SERPINB12: variants seen among roughly 807,000 people sequenced by gnomAD.
SERPINB12 encodes the protein serpin B12.
A neutral mutation model predicts 41.1 loss-of-function variants in SERPINB12; 57 were observed. That is an observed-to-expected ratio of 1.39 (90% CI 1.12 to 1.73). The LOEUF is 1.73. Ranked by LOEUF, SERPINB12 falls within the 40% of genes most tolerant of loss-of-function variation. SERPINB12 has a pLI of 0.00. For synonymous variants in SERPINB12, 180 were observed against 181.3 expected, an observed-to-expected ratio of 0.99 and a Z score of 0.06; for missense variants, 536 against 501.9, an observed-to-expected ratio of 1.07 and a Z score of -0.65.
the SERPINB12 span, among the ~76,000 whole-genome samples, chr18:63,531,250 A>G: frequency 6.6e-6 from 1 of 152,170 alleles, no homozygotes; most frequent in East Asian, 1.9e-4. Flanking sequence ...TGAGATCACT[A>G]AGCTTGAGTT....
chr18:63,553,351 C>T (rs760668048), intron 1 of SERPINB12, among the ~76,000 whole-genome samples: 6 of 152,148 alleles, frequency 3.9e-5, no homozygotes, highest in Admixed American at 1.3e-4. Flanking sequence ...CAAGTCACTT[C>T]GCCTCATTTG....
upstream of SERPINB12, among the ~76,000 whole-genome samples, chr18:63,538,407 C>T (rs774683786): frequency 6.6e-6 from 1 of 152,058 alleles, no homozygotes; most frequent in African/African-American, 2.4e-5. Context: ...ATGGATTTGC[C>T]TATTCTGGAT....
At chr18:63,540,329 C>CAATT (rs1213834377), upstream of SERPINB12, among the ~76,000 whole-genome samples, 1 of 152,144 alleles carries the variant, frequency 6.6e-6, no homozygotes, top group Admixed American at 6.6e-5. Context: ...CCCTGGAGTA[C>CAATT]AATTCAACAC....
upstream of SERPINB12, among the ~76,000 whole-genome samples, chr18:63,542,295 T>G (rs1910288833): frequency 6.6e-6 from 1 of 152,250 alleles, no homozygotes; most frequent in African/African-American, 2.4e-5. Flanking sequence ...AATGCATGTC[T>G]TATTTTCCCC....
At chr18:63,539,378 T>A (rs1241952316), upstream of SERPINB12, among the ~76,000 whole-genome samples, 2 of 152,102 alleles carry the variant, frequency 1.3e-5, no homozygotes, top group Non-Finnish European at 2.9e-5. Context: ...TGCACAAAAT[T>A]TCCATACTTT....
upstream of SERPINB12, among the ~76,000 whole-genome samples, chr18:63,538,378 T>C (rs1345091113): frequency 6.6e-6 from 1 of 152,134 alleles, no homozygotes; most frequent in African/African-American, 2.4e-5. Flanking sequence ...GCAACCACAA[T>C]AATCTACTTT....
chr18:63,563,593 A>G (rs1373632210), intron 5 of SERPINB12, among the ~76,000 whole-genome samples: 1 of 152,154 alleles, frequency 6.6e-6, no homozygotes, highest in Non-Finnish European at 1.5e-5. Context: ...GGGGGTGATA[A>G]ACTGCATTAA....
chr18:63,558,431 T>A lies in SERPINB12; in HGVS notation c.248T>A (p.Leu83Gln). 1 of 1,613,842 alleles carries A rather than the reference T, an allele frequency of 6.2e-7. No homozygotes were observed. The highest frequency in any genetic ancestry group is 1.1e-5 in the South Asian group (1 of 91,050). Residue 83 changes from leucine to glutamine, a missense_variant, in exon 3 of 8, where the codon CTG becomes CAG. Coordinates refer to ENST00000382768, the MANE Select transcript of SERPINB12 (RefSeq NM_001307928.2). The stretch of plus-strand genomic sequence containing the variant: ...CTGAAAAGCAACAAACAAAAAGTGC[T>A]GGCTGACAGCTCTCTGGAGGGGCAG... The part of the protein sequence containing the change: ...PCLKSNKQKV[L>Q]ADSSLEGQKK...
At chr18:63,521,476 G>A in the SERPINB12 span, among the ~76,000 whole-genome samples, 2 of 152,184 alleles carry the variant, frequency 1.3e-5, no homozygotes, top group Non-Finnish European at 2.9e-5. Context: ...GGGAGGTTTG[G>A]AAGGAGTGGC....
chr18:63,565,210 G>A (rs1027340503), intron 6 of SERPINB12, among the ~76,000 whole-genome samples: 1 of 151,870 alleles, frequency 6.6e-6, no homozygotes, highest in Non-Finnish European at 1.5e-5. Context: ...CAAACACCTG[G>A]CCCCCATCCC....
the SERPINB12 span, among the ~76,000 whole-genome samples, chr18:63,530,003 T>C: frequency 6.6e-6 from 1 of 152,158 alleles, no homozygotes; most frequent in Non-Finnish European, 1.5e-5. Flanking sequence ...TACTATAATA[T>C]TGAGGGAAAA....
At chr18:63,519,623 A>G in the SERPINB12 span, among the ~76,000 whole-genome samples, 1 of 152,130 alleles carries the variant, frequency 6.6e-6, no homozygotes, top group African/African-American at 2.4e-5. Context: ...TTAACTGTTG[A>G]AAATCATGAG....
intron 3 of SERPINB12, among the ~76,000 whole-genome samples, chr18:63,559,050 C>CTT (rs754333928): frequency 1.5e-3 from 138 of 91,582 alleles, no homozygotes; most frequent in Non-Finnish European, 3.1e-3. Context: ...TTCTTTCTTT[C>CTT]TTTCTTTCTC....
intron 3 of SERPINB12, among the ~76,000 whole-genome samples, chr18:63,559,046 C>CTT (rs1319103393): frequency 1.4e-3 from 126 of 91,750 alleles, no homozygotes; most frequent in Middle Eastern, 6.5e-3. Flanking sequence ...TTCTTTCTTT[C>CTT]TTTCTTTCTT....
the SERPINB12 span, among the ~76,000 whole-genome samples, chr18:63,532,940 A>G: frequency 6.6e-6 from 1 of 152,126 alleles, no homozygotes; most frequent in Non-Finnish European, 1.5e-5. Flanking sequence ...GCTTTTTATT[A>G]TGTAAATCTT....
intron 4 of SERPINB12, among the ~76,000 whole-genome samples, chr18:63,560,716 C>T (rs1032775890): frequency 1.3e-5 from 2 of 151,956 alleles, no homozygotes; most frequent in Non-Finnish European, 2.9e-5. Context: ...AACCATTAAG[C>T]GGGAGTTTAA....
chr18:63,540,124 T>G (rs1362712161), upstream of SERPINB12, among the ~76,000 whole-genome samples: 2 of 152,190 alleles, frequency 1.3e-5, no homozygotes, highest in East Asian at 3.9e-4. Context: ...AAAAGAATTG[T>G]AGAATGTCTA....
intron 1 of SERPINB12, among the ~76,000 whole-genome samples, chr18:63,549,786 A>T (rs1322811364): frequency 6.6e-6 from 1 of 152,180 alleles, no homozygotes; most frequent in Admixed American, 6.5e-5. Flanking sequence ...AGAGACACAA[A>T]CAAGACATGG....
chr18:63,558,456 G>GA lies in SERPINB12; in HGVS notation c.280dup (p.Thr94AsnfsTer15), dbSNP rs761396993. On this transcript the variant is annotated frameshift_variant, in exon 3 of 8. Transcript: ENST00000382768. LOFTEE classifies it high-confidence loss of function. Reference sequence around the variant, plus strand: ...TGGCTGACAGCTCTCTGGAGGGGCAGAAAAAAACGACAGAGCCTCTGGATC... The same window carrying GA: ...TGGCTGACAGCTCTCTGGAGGGGCAGAAAAAAAACGACAGAGCCTCTGGATC... 122 of 1,609,782 alleles carry GA rather than the reference G, an allele frequency of 7.6e-5. No individual in the cohort carries two copies. The South Asian group carries it at 1.1e-3, about 15-fold the overall frequency.
Sources: gnomAD v4.1 joint callset for allele counts (sites outside exome capture counted in the v4.1 genomes callset) on GRCh38, gnomAD v4.1.1 for gene constraint, MANE v1.5 for transcripts, NCBI Gene and HGNC (gene_info 2026-07-23, HGNC 2026-07-21) for gene names.